Variants in RPL18 observed in about 807,000 individuals in gnomAD.
RPL18 encodes large ribosomal subunit protein eL18.
In RPL18, 4 loss-of-function variants were observed where a neutral mutation model predicts 25.0. The observed-to-expected ratio is 0.16, with a 90% CI of 0.08 to 0.37. RPL18 has a LOEUF of 0.37. Ranked by LOEUF, RPL18 falls within the 10% of genes least tolerant of loss-of-function variation. The pLI is 1.00. For missense variants in RPL18, 179 were observed against 267.9 expected (o/e 0.67, Z 2.32); for synonymous variants, 129 against 101.6 (o/e 1.27, Z -1.62).
rs11554942 is a variant in RPL18, at chr19:48,617,396, T to C, written c.118A>G (p.Asn40Asp). The change falls in exon 3 of 7, where the codon AAC becomes GAC. Residue 40 changes from asparagine (N) to aspartate (D), a missense_variant. Asn to Asp is a conservative substitution (Grantham distance 23, BLOSUM62 1). Coordinates refer to ENST00000549920, the MANE Select transcript of RPL18 (RefSeq NM_000979.4). ...AACACAACCTGGTTGAATGTGGAGT[T>C]GGTTCTTCTGGCCAGAAACCTGTAT... ...KLYRFLARRTNSTFNQVVLKR... is the reference protein window; with the variant it reads ...KLYRFLARRTDSTFNQVVLKR... 6.2e-7 allele frequency: 1 copy of C among 1,614,198 alleles called. No individual in the cohort carries two copies.
rs772408728 is a variant in RPL18 at position 48,619,157 on chromosome 19, G to C, written c.-14C>G. On this transcript the variant is annotated 5_prime_UTR_variant, in exon 1 of 7. Transcript: ENST00000549920. ...CGAGCTCACCATGATGGCGCCTCCT[G>C]CTCGGCCAGGTCCGGAAAGAGAGAA... 4 of 1,566,972 alleles carry C rather than the reference G, an allele frequency of 2.6e-6. No individual in the cohort carries two copies. The highest frequency in any genetic ancestry group is 4.6e-5 in the East Asian group (2 of 43,580).
chr19:48,616,170 G>A lies in RPL18; in HGVS notation c.330C>T (p.Arg110=). ...TGCCCCCTGCCCTGAGGATGCGGCT[G>A]CGGGCCCGGCTGGTCACGCGCAGTG... ...VCALRVTSRA[R]SRILRAGGKI... is the part of the protein sequence containing the mutation. Residue 110 remains arginine, a synonymous_variant, in exon 5 of 7, where the codon CGC becomes CGT. Transcript: ENST00000549920. 1 of 1,614,028 alleles carries A rather than the reference G, an allele frequency of 6.2e-7. No individual in the cohort carries two copies. Among genetic ancestry groups the A allele is most frequent in the South Asian group, 1.1e-5 (1 of 91,088 alleles).
intron 4 of RPL18, chr19:48,616,414 G>A (rs916072590): frequency 1.5e-6 from 1 of 663,460 alleles, no homozygotes; most frequent in African/African-American, 1.8e-5. Context: ...ACTACAGCAA[G>A]GAAGCTGGGC....
At chr19:48,616,454 G>C (rs1974174032) in intron 4 of RPL18, 1 of 658,392 alleles carries the variant, frequency 1.5e-6, no homozygotes, top group Non-Finnish European at 2.7e-6. Context: ...AGGTGACAAA[G>C]GAGTCTAGAC....
At chr19:48,615,756 G>A (rs944416602) in intron 6 of RPL18, 121 bp downstream of exon 6, 8 of 869,588 alleles carry the variant, frequency 9.2e-6, no homozygotes, top group Non-Finnish European at 1.5e-5. Context: ...AGGCAGCTGA[G>A]AGTTCCAGAA....
chr19:48,615,825 G>T (rs879165350), intron 6 of RPL18, 52 bp downstream of exon 6: 1 of 1,506,542 alleles, frequency 6.6e-7, no homozygotes, highest in African/African-American at 1.4e-5. Context: ...GCCAGGCCTG[G>T]CCCTGCAGGC....
Position 48,619,161 on chromosome 19 carries a change from G to C in RPL18, c.-18C>G, listed in dbSNP as rs368395913. The C allele has an allele frequency of 8.8e-6, 14 of 1,588,072 alleles. No homozygotes were observed. Among genetic ancestry groups the C allele is most frequent in the East Asian group, 2.3e-5 (1 of 44,176 alleles). On this transcript the variant is annotated 5_prime_UTR_variant, in exon 1 of 7. Transcript: ENST00000549920. The stretch of plus-strand genomic sequence containing the variant: ...CTCACCATGATGGCGCCTCCTGCTC[G>C]GCCAGGTCCGGAAAGAGAGAACGGG...
chr19:48,616,232 G>A, intron 4 of RPL18, 30 bp from the exon 5 acceptor site: 5 of 1,610,988 alleles, frequency 3.1e-6, no homozygotes, highest in Non-Finnish European at 4.2e-6. Flanking sequence ...TGGCGGGTCA[G>A]ACCCCTGCGT....
chr19:48,618,882 G>A (rs1441388403), intron 1 of RPL18: 2 of 545,356 alleles, frequency 3.7e-6, no homozygotes, highest in Non-Finnish European at 6.5e-6. Flanking sequence ...TCGGAATCCT[G>A]GCTCTGCCAC....
At chr19:48,615,841 C>T (rs755559605) in intron 6 of RPL18, 36 bp downstream of exon 6, 3 of 1,570,134 alleles carry the variant, frequency 1.9e-6, no homozygotes, top group Admixed American at 1.8e-5. Flanking sequence ...CAGGCTGAGT[C>T]TGGGGAGAGG....
At chr19:48,616,947 T>A (rs747072102) in intron 3 of RPL18, 123 bp from the exon 4 acceptor site, 3 of 753,934 alleles carry the variant, frequency 4.0e-6, no homozygotes, top group Non-Finnish European at 7.1e-6. Context: ...ACCACACCCC[T>A]TAAACCCCAC....
intron 3 of RPL18, 39 bp from the exon 4 acceptor site, chr19:48,616,863 T>G: frequency 6.6e-7 from 1 of 1,509,742 alleles, no homozygotes; most frequent in Non-Finnish European, 9.2e-7. Flanking sequence ...GTTGTTCTGG[T>G]GTTTACATTC....
At chr19:48,617,285 G>A in intron 3 of RPL18, 31 bp downstream of exon 3, 3 of 1,548,898 alleles carry the variant, frequency 1.9e-6, no homozygotes, top group Non-Finnish European at 1.8e-6. Flanking sequence ...CGGCTCCCAG[G>A]TCTACCGTGC....
rs748098468 is a variant in RPL18 at position 48,616,788 on chromosome 19, T to C, written c.235A>G (p.Thr79Ala). 1 of 1,613,546 alleles carries C rather than the reference T, an allele frequency of 6.2e-7. No individual in the cohort carries two copies. The highest frequency in any genetic ancestry group is 1.3e-5 in the African/African-American group (1 of 74,768). Residue 79 changes from threonine (T) to alanine (A), a missense_variant, in exon 4 of 7, where the codon ACG (threonine) becomes GCG (alanine). Transcript: ENST00000549920. ...GTTATGGTCCCCACAACCACGGCCGTCTTGTTTTCCCGGCCAGGAAGCTTC... is the reference window on the plus strand; with the variant it reads ...GTTATGGTCCCCACAACCACGGCCGCCTTGTTTTCCCGGCCAGGAAGCTTC... ...KMKLPGRENK[T>A]AVVVGTITDD...
intron 2 of RPL18, 51 bp downstream of exon 2, chr19:48,617,740 C>T: frequency 7.0e-7 from 1 of 1,425,076 alleles, no homozygotes; most frequent in Non-Finnish European, 9.9e-7. Context: ...GGAGGATCTG[C>T]AAGTCAGACC....
In RPL18 at chr19:48,615,773, G is replaced by C. The variant is rs1212239353; in HGVS notation, c.491+104C>G. On this transcript the variant is annotated intron_variant, in intron 6 of 6. Coordinates refer to ENST00000549920, the MANE Select transcript of RPL18 (RefSeq NM_000979.4). ...GCAGCTGAGAGTTCCAGAAGGCCTG[G>C]GGCTGGCTGGTACGAGGGATAGGAG... 5.9e-6 allele frequency: 6 copies of C among 1,018,106 alleles called. No homozygotes were observed. In the Admixed American group the frequency reaches 1.2e-4, roughly 20 times the overall value. 63.1% of individuals were successfully genotyped at this position (1,018,106 alleles called of 1,614,324 possible).
At chr19:48,615,598 G>C in intron 6 of RPL18, 151 bp from the exon 7 acceptor site, 1 of 723,190 alleles carries the variant, frequency 1.4e-6, no homozygotes. Flanking sequence ...GGAGCCAGGA[G>C]GGGCTATGGA....
chr19:48,618,099 G>GT (rs757180921), intron 1 of RPL18: 5 of 457,942 alleles, frequency 1.1e-5, no homozygotes, highest in Non-Finnish European at 2.0e-5. Flanking sequence ...CTGAAACATC[G>GT]TAACACAGCA....
chr19:48,615,560 G>A (rs1412434915), intron 6 of RPL18, 113 bp from the exon 7 acceptor site: 33 of 875,736 alleles, frequency 3.8e-5, no homozygotes, highest in East Asian at 2.4e-4. Context: ...CAATGCTGCT[G>A]GAAAAGCTTG....
Sources: allele counts gnomAD v4.1 joint callset, GRCh38; gene constraint gnomAD v4.1.1; transcripts MANE v1.5; gene names NCBI Gene and HGNC (gene_info 2026-07-23, HGNC 2026-07-21).